Variants in AP3S1 observed in about 807,000 individuals in gnomAD.
AP3S1 encodes the protein AP-3 complex subunit sigma-1.
A neutral mutation model predicts 21.3 loss-of-function variants in AP3S1; 12 were observed. The ratio of observed to expected loss-of-function variants is 0.56; its 90% CI spans 0.36 to 0.91. AP3S1 has a LOEUF of 0.91. Ranked by LOEUF, AP3S1 falls within the 40% of genes least tolerant of loss-of-function variation. The pLI is 0.01. For missense variants in AP3S1, 116 were observed against 225.0 expected (o/e 0.52, Z 3.10); for synonymous variants, 48 against 78.4 (o/e 0.61, Z 2.05).
At chr5:115,908,202 A>G (rs1037742111) in intron 5 of AP3S1, among the ~76,000 whole-genome samples, 5 of 152,188 alleles carry the variant, frequency 3.3e-5, no homozygotes, top group Non-Finnish European at 7.4e-5. Context: ...TCCCTCATAT[A>G]GAGAATACAT....
chr5:115,874,553 C>A (rs968872132), intron 3 of AP3S1, among the ~76,000 whole-genome samples: 1 of 151,908 alleles, frequency 6.6e-6, no homozygotes, highest in Non-Finnish European at 1.5e-5. Flanking sequence ...AAAAAAACAA[C>A]AAAATTGAGA....
intron 1 of AP3S1, among the ~76,000 whole-genome samples, chr5:115,846,682 G>T (rs889822037): frequency 1.3e-5 from 2 of 150,844 alleles, no homozygotes; most frequent in Non-Finnish European, 2.9e-5. Context: ...TTTTTTTAGT[G>T]ACTATTAAGA....
At chr5:115,874,833 C>A (rs1748563281) in intron 3 of AP3S1, among the ~76,000 whole-genome samples, 1 of 151,894 alleles carries the variant, frequency 6.6e-6, no homozygotes, top group African/African-American at 2.4e-5. Context: ...GTTAGAAAGA[C>A]CTGTGAATTA....
At chr5:115,892,540 AAAG>A (rs1750400824) in intron 3 of AP3S1, among the ~76,000 whole-genome samples, 2 of 152,208 alleles carry the variant, frequency 1.3e-5, no homozygotes, top group South Asian at 4.1e-4. Context: ...ATGTTAAGTG[AAAG>A]AAGCCAGACA....
At chr5:115,843,766 A>G (rs927183800) in intron 1 of AP3S1, among the ~76,000 whole-genome samples, 7 of 152,266 alleles carry the variant, frequency 4.6e-5, no homozygotes, top group Non-Finnish European at 8.8e-5. Flanking sequence ...TACTACTCGT[A>G]TAGTGTATAA....
chr5:115,849,075 C>T (rs1762258982), intron 1 of AP3S1, among the ~76,000 whole-genome samples: 1 of 152,180 alleles, frequency 6.6e-6, no homozygotes, highest in Non-Finnish European at 1.5e-5. Flanking sequence ...TTTCTCTTTT[C>T]CTGTCCATAT....
intron 5 of AP3S1, among the ~76,000 whole-genome samples, chr5:115,908,637 C>CA (rs1751853356): frequency 6.6e-6 from 1 of 152,066 alleles, no homozygotes; most frequent in African/African-American, 2.4e-5. Context: ...ATAATCCGTA[C>CA]AAAATGACTA....
chr5:115,891,513 T>G (rs940761441), intron 3 of AP3S1, among the ~76,000 whole-genome samples: 2 of 152,144 alleles, frequency 1.3e-5, no homozygotes, highest in Non-Finnish European at 2.9e-5. Context: ...TCAGTTTGAT[T>G]AATTTCTCAG....
chr5:115,876,532 A>G (rs1748729780), intron 3 of AP3S1, among the ~76,000 whole-genome samples: 2 of 152,174 alleles, frequency 1.3e-5, no homozygotes, highest in Non-Finnish European at 2.9e-5. Context: ...CAGTACAGCT[A>G]TTAACCCAAG....
chr5:115,894,486 C>T (rs1750577257), intron 3 of AP3S1, among the ~76,000 whole-genome samples: 1 of 152,156 alleles, frequency 6.6e-6, no homozygotes, highest in Non-Finnish European at 1.5e-5. Context: ...CAGGAGCTGG[C>T]CAAGGGCTAG....
At chr5:115,907,319 T>C (rs1362366856) in intron 5 of AP3S1, among the ~76,000 whole-genome samples, 1 of 152,186 alleles carries the variant, frequency 6.6e-6, no homozygotes, top group African/African-American at 2.4e-5. Context: ...GCTGTGAATT[T>C]AAAAACCAAA....
intron 5 of AP3S1, among the ~76,000 whole-genome samples, chr5:115,911,218 G>A (rs1356521206): frequency 6.6e-6 from 1 of 151,822 alleles, no homozygotes; most frequent in Non-Finnish European, 1.5e-5. Context: ...CTTTAGTTTA[G>A]CTCTTCATGG....
At position 115,842,160 on chromosome 5, in the gene AP3S1, A is replaced by G; in HGVS notation, c.69+54A>G. The stretch of plus-strand genomic sequence containing the variant: ...CGAGGGGGAGTCGTTGGCGACGGGC[A>G]GCGCCCAGCGCGGCTTTCTCAGAGC... On this transcript the variant is annotated intron_variant, in intron 1 of 5. Transcript: ENST00000316788. 3 of 1,518,078 alleles carry G rather than the reference A, an allele frequency of 2.0e-6. No individual in the cohort carries two copies. In the South Asian group the frequency reaches 3.7e-5, roughly 19 times the overall value. The allele number at this position is 1,518,078 out of a possible 1,614,324, so 94.0% of individuals were successfully genotyped here.
At chr5:115,857,724 T>G (rs2112800509) in intron 1 of AP3S1, among the ~76,000 whole-genome samples, 1 of 152,330 alleles carries the variant, frequency 6.6e-6, no homozygotes, top group East Asian at 1.9e-4. Flanking sequence ...TAGACATGAT[T>G]TATTCTGCTA....
intron 3 of AP3S1, among the ~76,000 whole-genome samples, chr5:115,884,179 AAT>A (rs1372439463): frequency 1.3e-5 from 2 of 152,166 alleles, no homozygotes; most frequent in Admixed American, 1.3e-4. Context: ...TTATATATTT[AAT>A]ATGTTTTATT....
intron 3 of AP3S1, 68 bp downstream of exon 3, chr5:115,870,196 T>C (rs1748103562): frequency 7.3e-6 from 7 of 964,430 alleles, no homozygotes; most frequent in Non-Finnish European, 1.1e-5. Flanking sequence ...AAAACTTATA[T>C]ATTCTAAATT....
chr5:115,891,156 A>G (rs1256554027), intron 3 of AP3S1, among the ~76,000 whole-genome samples: 2 of 152,198 alleles, frequency 1.3e-5, no homozygotes, highest in African/African-American at 4.8e-5. Flanking sequence ...GGTGGATACT[A>G]AATGATACTA....
At chr5:115,902,787 T>C in intron 4 of AP3S1, 98 bp from the exon 5 acceptor site, 1 of 825,946 alleles carries the variant, frequency 1.2e-6, no homozygotes, top group Non-Finnish European at 1.8e-6. Context: ...ACTCATACTT[T>C]TAACATAGAC....
chr5:115,905,875 C>G (rs1751605450), intron 5 of AP3S1, among the ~76,000 whole-genome samples: 1 of 152,224 alleles, frequency 6.6e-6, no homozygotes. Context: ...ACTTGTTTGG[C>G]TGGGCGCAGT....
Sources: gnomAD v4.1 joint callset for allele counts (sites outside exome capture counted in the v4.1 genomes callset) on GRCh38, gnomAD v4.1.1 for gene constraint, MANE v1.5 for transcripts, NCBI Gene and HGNC (gene_info 2026-07-23, HGNC 2026-07-21) for gene names.